UGT2B7: variants seen among roughly 807,000 people sequenced by gnomAD.
UGT2B7 encodes UDP-glucuronosyltransferase 2B7.
Under a neutral mutation model 51.9 loss-of-function variants are expected in UGT2B7, and 51 were observed. That is an observed-to-expected ratio of 0.98 (90% CI 0.78 to 1.24). UGT2B7 has a LOEUF of 1.24. Ranked by LOEUF, UGT2B7 falls within the 50% of genes most tolerant of loss-of-function variation. The pLI is 0.00. For missense variants in UGT2B7, 727 were observed against 628.4 expected (o/e 1.16, Z -1.68); for synonymous variants, 225 against 211.6 (o/e 1.06, Z -0.55).
chr4:69,098,506 T>C (rs745501216), intron 1 of UGT2B7, 34 bp from the exon 2 acceptor site: 2 of 1,559,792 alleles, frequency 1.3e-6, no homozygotes, highest in Non-Finnish European at 1.7e-6. Flanking sequence ...AATTATCTTG[T>C]GTCATCCACC....
upstream of UGT2B7, chr4:69,096,451 C>T (rs1437737926): frequency 2.5e-6 from 4 of 1,595,396 alleles, no homozygotes; most frequent in African/African-American, 2.7e-5. Flanking sequence ...GCTAATTTAT[C>T]TTTGGACATA....
upstream of UGT2B7, among the ~76,000 whole-genome samples, chr4:69,095,830 G>T (rs1003696076): frequency 1.3e-5 from 2 of 152,062 alleles, no homozygotes; most frequent in Admixed American, 6.5e-5. Context: ...TTACATAAAA[G>T]AAGCCAGTCA....
chr4:69,067,211 CCTTCA>C (rs1560500532), intron 1 of UGT2B7, among the ~76,000 whole-genome samples: 3 of 152,116 alleles, frequency 2.0e-5, no homozygotes, highest in Non-Finnish European at 4.4e-5. Context: ...TAATGTGTAG[CCTTCA>C]CTTATTGCCC....
chr4:69,071,108 T>C (rs2109868440), intron 1 of UGT2B7, among the ~76,000 whole-genome samples: 3 of 152,174 alleles, frequency 2.0e-5, no homozygotes, highest in Admixed American at 2.0e-4. Context: ...TGGATGGTAA[T>C]ACACAAAAGA....
intron 5 of UGT2B7, among the ~76,000 whole-genome samples, 184 bp from the exon 6 acceptor site, chr4:69,112,273 C>A (rs1719794720): frequency 6.6e-6 from 1 of 152,126 alleles, no homozygotes; most frequent in Non-Finnish European, 1.5e-5. Flanking sequence ...CTCACGCAGA[C>A]CCCCTTAGAG....
At chr4:69,106,056 T>C (rs1322647429) in intron 3 of UGT2B7, among the ~76,000 whole-genome samples, 2 of 152,160 alleles carry the variant, frequency 1.3e-5, no homozygotes, top group African/African-American at 2.4e-5. Context: ...AAAATTTTTA[T>C]ACATTTTTAG....
At chr4:69,108,581 C>G (rs1372016467) in intron 5 of UGT2B7, among the ~76,000 whole-genome samples, 3 of 151,876 alleles carry the variant, frequency 2.0e-5, no homozygotes, top group Non-Finnish European at 4.4e-5. Context: ...ACAAAAAATA[C>G]ATTTCTTAAA....
rs373708269 is a variant in UGT2B7, at chr4:69,091,138, A to C, written c.-27+1535A>C. On this transcript the variant is annotated intron_variant, in intron 2 of 5. Coordinates refer to the UGT2B7 transcript ENST00000502942. ...GTTACCTGCCTAATTAAGTTTTTCT[A>C]ATTATTTCATGTAGAAGTACTTGTG... Among the ~76,000 whole-genome samples, 5 of 152,154 alleles carry C rather than the reference A, an allele frequency of 3.3e-5. No homozygotes were observed. The East Asian group carries it at 5.8e-4, about 18-fold the overall frequency.
At chr4:69,085,991 T>C (rs555358664) in intron 1 of UGT2B7, among the ~76,000 whole-genome samples, 1 of 151,744 alleles carries the variant, frequency 6.6e-6, no homozygotes, top group Non-Finnish European at 1.5e-5. Flanking sequence ...TTAAATATTT[T>C]AAAAATCTCT....
chr4:69,111,469 G>A (rs1270549382), intron 5 of UGT2B7, among the ~76,000 whole-genome samples: 1 of 152,114 alleles, frequency 6.6e-6, no homozygotes, highest in African/African-American at 2.4e-5. Context: ...ACTTAGAGAT[G>A]ATAATTCTCA....
At chr4:69,075,460 C>T (rs1351858715) in intron 1 of UGT2B7, among the ~76,000 whole-genome samples, 3 of 152,044 alleles carry the variant, frequency 2.0e-5, no homozygotes, top group African/African-American at 4.8e-5. Context: ...CAGTGTCACA[C>T]ACAAAGTCCT....
chr4:69,111,687 C>T (rs1719778663), intron 5 of UGT2B7, among the ~76,000 whole-genome samples: 1 of 152,090 alleles, frequency 6.6e-6, no homozygotes, highest in Admixed American at 6.5e-5. Context: ...AATATATACA[C>T]TTAATATGTA....
At chr4:69,095,833 G>T (rs1472291895), upstream of UGT2B7, among the ~76,000 whole-genome samples, 3 of 152,044 alleles carry the variant, frequency 2.0e-5, no homozygotes, top group African/African-American at 7.2e-5. Flanking sequence ...CATAAAAGAA[G>T]CCAGTCACAA....
At chr4:69,108,762 G>T (rs7438942) in intron 5 of UGT2B7, among the ~76,000 whole-genome samples, 86,419 of 151,626 alleles carry the variant, frequency 0.57, 25,503 homozygotes, top group East Asian at 0.7. Flanking sequence ...ATTTAATTTT[G>T]ATAGCATAAA....
At chr4:69,111,439 G>A (rs910501858) in intron 5 of UGT2B7, among the ~76,000 whole-genome samples, 3 of 152,120 alleles carry the variant, frequency 2.0e-5, no homozygotes, top group African/African-American at 7.2e-5. Context: ...CACTCACCAT[G>A]ACACAATTAC....
At chr4:69,094,762 T>A (rs6600880), upstream of UGT2B7, among the ~76,000 whole-genome samples, 87,782 of 152,088 alleles carry the variant, frequency 0.58, 26,353 homozygotes, top group African/African-American at 0.71. Flanking sequence ...ATTTTTAGCA[T>A]GCAATGCTGT....
chr4:69,096,759 C>T lies in UGT2B7; in HGVS notation c.239C>T (p.Ser80Phe), dbSNP rs373528265. 1.2e-6 allele frequency: 2 copies of T among 1,613,854 alleles called. No individual in the cohort carries two copies. The highest frequency in any genetic ancestry group is 2.7e-5 in the African/African-American group (2 of 74,904). The change falls in exon 1 of 6, where the codon TCT becomes TTT. Residue 80 changes from serine (S) to phenylalanine (F), a missense_variant. By Grantham distance (155) the Ser-to-Phe change is radical. Transcript: ENST00000305231. ...CTTAAAATTGAAATTTATCCCACAT[C>T]TTTAACTAAAACTGAGTTGGAGAAT... is the stretch of plus-strand genomic sequence containing the variant. ...SALKIEIYPT[S>F]LTKTELENFI...
upstream of UGT2B7, chr4:69,096,422 G>C (rs150638622): frequency 3.2e-6 from 5 of 1,570,854 alleles, no homozygotes; most frequent in Non-Finnish European, 4.3e-6. Context: ...ACTTATAAGG[G>C]TTACATTTTA....
At chr4:69,057,032 G>GA (rs1718219903) in intron 1 of UGT2B7, among the ~76,000 whole-genome samples, 1 of 152,212 alleles carries the variant, frequency 6.6e-6, no homozygotes, top group Non-Finnish European at 1.5e-5. Context: ...TCATGACTTA[G>GA]AAACTGATGT....
Sources: allele counts gnomAD v4.1 joint callset (sites outside exome capture counted in the v4.1 genomes callset), GRCh38; gene constraint gnomAD v4.1.1; transcripts MANE v1.5; gene names NCBI Gene and HGNC (gene_info 2026-07-23, HGNC 2026-07-21).